The following ADIPOR2 variants were observed in gnomAD, a reference collection of about 807,000 sequenced individuals.
ADIPOR2 encodes the protein adiponectin receptor 2, also known as adiponectin receptor protein 2.
In ADIPOR2, 18 loss-of-function variants were observed where a neutral mutation model predicts 40.9. The observed-to-expected ratio is 0.44, with a 90% CI of 0.30 to 0.65. The LOEUF (loss-of-function observed/expected upper bound fraction) is 0.65, where lower values mean the gene tolerates loss of function less well. ADIPOR2 is among the 30% of genes least tolerant of loss of function. ADIPOR2 has a pLI of 0.09. For synonymous variants in ADIPOR2, 165 were observed against 166.4 expected (o/e 0.99, Z 0.06); for missense variants, 283 against 479.2 (o/e 0.59, Z 3.82).
chr12:1,735,842 A>G (rs528651136), intron 1 of ADIPOR2, among the ~76,000 whole-genome samples: 13 of 152,288 alleles, frequency 8.5e-5, no homozygotes, highest in South Asian at 2.1e-4. Context: ...TTCTGCATCT[A>G]TTGAGATAAT....
chr12:1,746,711 A>G (rs923317502), intron 1 of ADIPOR2, among the ~76,000 whole-genome samples: 3 of 152,198 alleles, frequency 2.0e-5, no homozygotes, highest in Non-Finnish European at 1.5e-5. Context: ...GGGTAGAACA[A>G]CTAGACAGAT....
intron 1 of ADIPOR2, among the ~76,000 whole-genome samples, chr12:1,704,480 G>A (rs2094658051): frequency 6.6e-6 from 1 of 152,190 alleles, no homozygotes; most frequent in East Asian, 1.9e-4. Context: ...ATACATTAAT[G>A]AGGAAACAGA....
chr12:1,707,608 G>A (rs1041267627), intron 1 of ADIPOR2, among the ~76,000 whole-genome samples: 4 of 152,028 alleles, frequency 2.6e-5, no homozygotes, highest in African/African-American at 9.7e-5. Flanking sequence ...GGGACTACAG[G>A]TGCATGCCAC....
chr12:1,736,823 C>T (rs1179053156), intron 1 of ADIPOR2, among the ~76,000 whole-genome samples: 1 of 152,216 alleles, frequency 6.6e-6, no homozygotes, highest in Non-Finnish European at 1.5e-5. Flanking sequence ...TCTTTGTTCT[C>T]ATTGGTTTCA....
chr12:1,729,069 AC>A (rs1466948092), intron 1 of ADIPOR2, among the ~76,000 whole-genome samples: 11 of 146,948 alleles, frequency 7.5e-5, no homozygotes, highest in African/African-American at 2.5e-4. Flanking sequence ...TTCCCCCTCT[AC>A]CCATAATCTC....
At chr12:1,715,064 G>A (rs1401132649) in intron 1 of ADIPOR2, among the ~76,000 whole-genome samples, 1 of 151,990 alleles carries the variant, frequency 6.6e-6, no homozygotes, top group East Asian at 1.9e-4. Flanking sequence ...TTCTTTGCTT[G>A]TTTCCTTCTG....
chr12:1,754,207 T>C (rs1862063320), intron 1 of ADIPOR2, 51 bp from the exon 2 acceptor site: 1 of 743,120 alleles, frequency 1.3e-6, no homozygotes, highest in Non-Finnish European at 2.0e-6. Context: ...ATAACTGATA[T>C]TTTCCCCAGC....
At chr12:1,725,441 A>C (rs1237423931) in intron 1 of ADIPOR2, among the ~76,000 whole-genome samples, 2 of 152,138 alleles carry the variant, frequency 1.3e-5, no homozygotes, top group Non-Finnish European at 2.9e-5. Flanking sequence ...ACTTAAACCA[A>C]ATGGACTATA....
intron 6 of ADIPOR2, among the ~76,000 whole-genome samples, chr12:1,781,516 C>A (rs1862720032): frequency 6.6e-6 from 1 of 152,044 alleles, no homozygotes; most frequent in African/African-American, 2.4e-5. Flanking sequence ...AGGCTTCACC[C>A]CCATGCTGAT....
At chr12:1,729,632 TTTTTTTTTTGAGTG>T (rs2094715732) in intron 1 of ADIPOR2, among the ~76,000 whole-genome samples, 2 of 49,144 alleles carry the variant, frequency 4.1e-5, no homozygotes, top group East Asian at 1.7e-3. Flanking sequence ...TTTTTTTTTT[TTTTTTTTTTGAGTG>T]TTTTTTTTTG....
intron 1 of ADIPOR2, among the ~76,000 whole-genome samples, chr12:1,712,397 C>T (rs1251425841): frequency 6.6e-6 from 1 of 152,094 alleles, no homozygotes; most frequent in African/African-American, 2.4e-5. Context: ...ATGAGTAGTC[C>T]AGACAGTGAG....
intron 2 of ADIPOR2, among the ~76,000 whole-genome samples, chr12:1,759,392 G>A (rs565735920): frequency 1.4e-4 from 22 of 152,288 alleles, no homozygotes; most frequent in South Asian, 1.0e-3. Flanking sequence ...TTAAGTTGTG[G>A]AGATTGGCAT....
intron 1 of ADIPOR2, among the ~76,000 whole-genome samples, chr12:1,728,329 T>C (rs1327481248): frequency 6.6e-6 from 1 of 151,616 alleles, no homozygotes; most frequent in Non-Finnish European, 1.5e-5. Flanking sequence ...ATCAGGCTGG[T>C]CTCGAACTCC....
At chr12:1,726,744 C>G (rs537108825) in intron 1 of ADIPOR2, among the ~76,000 whole-genome samples, 2 of 152,018 alleles carry the variant, frequency 1.3e-5, no homozygotes, top group Admixed American at 1.3e-4. Context: ...AGTAATAGTT[C>G]TATTTTCAAG....
chr12:1,728,680 C>T (rs1030617797), intron 1 of ADIPOR2, among the ~76,000 whole-genome samples: 4 of 151,404 alleles, frequency 2.6e-5, no homozygotes, highest in South Asian at 2.1e-4. Context: ...GCCAAGATGG[C>T]GCCATTGCAC....
rs2154444174 is a variant in ADIPOR2 at position 1,772,691 on chromosome 12, T to C, written c.172-151T>C. On this transcript the variant is annotated intron_variant, in intron 2 of 7. Transcript: ENST00000357103. ...TGTTCATTTTTAATACTAATAATTC[T>C]ATAATAAACTGACTTACTATATTGT... The C allele has an allele frequency of 7.6e-6, 7 of 924,326 alleles. No homozygotes were observed. In the East Asian group the frequency reaches 2.0e-4, roughly 26 times the overall value. 57.3% of individuals were successfully genotyped at this position (924,326 alleles called of 1,614,324 possible). A position where few individuals can be genotyped will look rare whatever the true frequency, so the allele number is the denominator to read the frequency against.
chr12:1,762,381 G>C (rs1198486581), intron 2 of ADIPOR2, among the ~76,000 whole-genome samples: 1 of 151,984 alleles, frequency 6.6e-6, no homozygotes, highest in East Asian at 1.9e-4. Flanking sequence ...AGACTCTTCA[G>C]TTCCATGGTG....
At chr12:1,778,448 T>G (rs1434352105) in intron 4 of ADIPOR2, 1 of 155,254 alleles carries the variant, frequency 6.4e-6, no homozygotes, top group Non-Finnish European at 1.4e-5. Flanking sequence ...GATTGTATAT[T>G]AAAGAAAGAA....
intron 6 of ADIPOR2, 138 bp downstream of exon 6, chr12:1,781,214 G>A: frequency 1.0e-6 from 1 of 978,834 alleles, no homozygotes; most frequent in Non-Finnish European, 1.4e-6. Context: ...AGTTCCTATT[G>A]TTGGGGGTTT....
Sources: gnomAD v4.1 joint callset for allele counts (sites outside exome capture counted in the v4.1 genomes callset) on GRCh38, gnomAD v4.1.1 for gene constraint, MANE v1.5 for transcripts, NCBI Gene and HGNC (gene_info 2026-07-23, HGNC 2026-07-21) for gene names.